Variants in NLRP12 observed in about 807,000 individuals in gnomAD.
NLRP12 encodes the protein NACHT, LRR and PYD domains-containing protein 12.
A neutral mutation model predicts 91.2 loss-of-function variants in NLRP12; 108 were observed. The observed-to-expected ratio is 1.18, with a 90% CI of 1.01 to 1.39. The LOEUF is 1.39. Among genes scored for constraint, NLRP12 ranks in the 40% most tolerant of loss-of-function variants. The pLI, the probability that NLRP12 is intolerant of heterozygous loss-of-function variation, is 0.00. For synonymous variants in NLRP12, 613 were observed against 566.7 expected, an observed-to-expected ratio of 1.08 and a Z score of -1.16; for missense variants, 1,530 against 1,352.7, an observed-to-expected ratio of 1.13 and a Z score of -2.06.
At position 53,810,651 on chromosome 19, in the gene NLRP12, T is replaced by G. The variant is rs1382115879; in HGVS notation, c.1008A>C (p.Leu336=). The G allele has an allele frequency of 6.2e-7, 1 of 1,613,998 alleles. No individual in the cohort carries two copies. Among genetic ancestry groups the G allele is most frequent in the Non-Finnish European group, 8.5e-7 (1 of 1,179,980 alleles). ...TGGGCCGTGTGGTGATGAGCAAAGATAGCTCAGGGAGCAGCTTCTTCCGAA... is the reference window on the plus strand; with the variant it reads ...TGGGCCGTGTGGTGATGAGCAAAGAGAGCTCAGGGAGCAGCTTCTTCCGAA... The part of the protein sequence containing the change: ...SLIRKKLLPE[L]SLLITTRPTA... Residue 336 remains leucine, a synonymous_variant, in exon 3 of 10, where the codon CTA becomes CTC. Transcript: ENST00000324134.
At chr19:53,802,877 A>G (rs1404766045) in intron 6 of NLRP12, among the ~76,000 whole-genome samples, 2 of 152,004 alleles carry the variant, frequency 1.3e-5, no homozygotes, top group African/African-American at 4.8e-5. Flanking sequence ...AGGCTCCTGA[A>G]TAGCTGGGAC....
At chr19:53,798,501 T>C in intron 7 of NLRP12, 88 bp from the exon 8 acceptor site, 1 of 1,354,978 alleles carries the variant, frequency 7.4e-7, no homozygotes. Context: ...CTGTGCTGGT[T>C]GCAGACAGAG....
At chr19:53,796,663 C>T (rs2091767225) in intron 8 of NLRP12, among the ~76,000 whole-genome samples, 3 of 151,938 alleles carry the variant, frequency 2.0e-5, no homozygotes, top group South Asian at 4.2e-4. Context: ...GGATTATAGG[C>T]GTGAGCCACT....
At chr19:53,796,297 G>C in intron 8 of NLRP12, 2 of 421,166 alleles carry the variant, frequency 4.7e-6, no homozygotes, top group Non-Finnish European at 9.1e-6. Flanking sequence ...TGTTGCCCAT[G>C]CTGGAGTGCT....
At chr19:53,800,996 C>T (rs986550235) in intron 7 of NLRP12, among the ~76,000 whole-genome samples, 4 of 151,146 alleles carry the variant, frequency 2.6e-5, no homozygotes, top group Admixed American at 1.3e-4. Context: ...AGATCGAGAC[C>T]ATCCTGCTAA....
rs1225275951 is a variant in NLRP12, at chr19:53,795,931, G to T, written c.3026C>A (p.Ala1009Asp). The T allele has an allele frequency of 1.2e-6, 2 of 1,614,012 alleles. No individual in the cohort carries two copies. Among genetic ancestry groups the T allele is most frequent in the East Asian group, 4.5e-5 (2 of 44,880 alleles). The change falls in exon 9 of 10, where the codon GCC (alanine) becomes GAC (aspartate). Residue 1009 changes from alanine (A) to aspartate (D), a missense_variant. Ala to Asp is a moderately radical substitution (Grantham distance 126). Transcript: ENST00000324134. ...TLTDLYLTNN[A>D]LGDTGVRLLC... ...CAGTCGGACACCTGTGTCCCCTAGG[G>T]CGTTGTTGGTCAGGTAAAGGTCGGT...
intron 2 of NLRP12, among the ~76,000 whole-genome samples, chr19:53,814,259 G>T (rs1400380113): frequency 6.6e-6 from 1 of 152,172 alleles, no homozygotes; most frequent in Non-Finnish European, 1.5e-5. Context: ...TCTGTCAGTG[G>T]TTGCTCTGAG....
rs1180696887 is a variant in NLRP12 at position 53,811,251 on chromosome 19, T to A, written c.408A>T (p.Lys136Asn). Residue 136 changes from lysine to asparagine, a missense_variant, in exon 3 of 10, where the codon AAA becomes AAT. Physicochemically the swap from Lys to Asn is moderately conservative, Grantham distance 94. Transcript: ENST00000324134. ...QETYRDYVRR[K>N]FRLMEDRNAR... is the part of the protein sequence containing the mutation. Reference sequence around the variant, plus strand: ...CATTGCGGTCTTCCATGAGCCGGAATTTCCTGCGGACATAGTCCCTGTAGG... The same window carrying A: ...CATTGCGGTCTTCCATGAGCCGGAAATTCCTGCGGACATAGTCCCTGTAGG... 1.2e-6 allele frequency: 2 copies of A among 1,613,978 alleles called. No homozygotes were observed. The highest frequency in any genetic ancestry group is 1.7e-6 in the Non-Finnish European group (2 of 1,180,008).
intron 1 of NLRP12, 106 bp downstream of exon 1, chr19:53,823,780 C>T: frequency 7.7e-7 from 1 of 1,297,548 alleles, no homozygotes; most frequent in Non-Finnish European, 1.1e-6. Context: ...GAACTCCTCA[C>T]CTCAAGTGAT....
At chr19:53,794,942 T>C (rs1441865968) in intron 9 of NLRP12, among the ~76,000 whole-genome samples, 1 of 152,018 alleles carries the variant, frequency 6.6e-6, no homozygotes, top group Non-Finnish European at 1.5e-5. Flanking sequence ...CTCAAGTGAT[T>C]TGCCTGCCTT....
At chr19:53,807,898 G>A (rs1232745945) in intron 3 of NLRP12, 2 of 499,520 alleles carry the variant, frequency 4.0e-6, no homozygotes, top group Non-Finnish European at 7.6e-6. Flanking sequence ...TTACAGGCAT[G>A]AGCCACCACG....
At chr19:53,803,798 T>C (rs2091911362) in intron 6 of NLRP12, 154 bp downstream of exon 6, 2 of 730,076 alleles carry the variant, frequency 2.7e-6, no homozygotes, top group Non-Finnish European at 4.8e-6. Flanking sequence ...GGTCTCGAAC[T>C]CCTGACCTCA....
At position 53,823,951 on chromosome 19, in the gene NLRP12, C is replaced by T; in HGVS notation, c.224G>A (p.Ser75Asn). The T allele has an allele frequency of 6.2e-7, 1 of 1,614,164 alleles. No homozygotes were observed. Among genetic ancestry groups the T allele is most frequent in the Non-Finnish European group, 8.5e-7 (1 of 1,180,048 alleles). ...GPEEAWRLALSTFERINRKDL... is the reference protein window; with the variant it reads ...GPEEAWRLALNTFERINRKDL... ...CTTCCTGTTTATCCGCTCAAAGGTG[C>T]TGAGAGCCAACCTCCAGGCCTCCTC... Residue 75 changes from serine to asparagine, a missense_variant, in exon 1 of 10, where the codon AGC (serine) becomes AAC (asparagine). By Grantham distance (46) the Ser-to-Asn change is conservative. Coordinates refer to ENST00000324134, the MANE Select transcript of NLRP12 (RefSeq NM_144687.4).
intron 3 of NLRP12, 43 bp downstream of exon 3, chr19:53,809,544 C>CCA: frequency 2.8e-5 from 23 of 817,530 alleles, no homozygotes; most frequent in Non-Finnish European, 3.7e-5. Flanking sequence ...AAAAAAAACA[C>CCA]ACGAACCTAA....
chr19:53,813,172 T>C (rs1190337733), intron 2 of NLRP12, among the ~76,000 whole-genome samples: 2 of 151,882 alleles, frequency 1.3e-5, no homozygotes, highest in Non-Finnish European at 2.9e-5. Context: ...TGAGCCACTG[T>C]GCCTGGCCGC....
chr19:53,809,530 A>AAAAC (rs1555795516), intron 3 of NLRP12, 57 bp downstream of exon 3: 10 of 1,363,060 alleles, frequency 7.3e-6, no homozygotes, highest in African/African-American at 3.0e-5. Context: ...AAAAAAAAAA[A>AAAAC]AAAAAAAAAA....
intron 1 of NLRP12, among the ~76,000 whole-genome samples, chr19:53,823,594 G>A (rs2092302111): frequency 6.7e-6 from 1 of 148,580 alleles, no homozygotes; most frequent in Non-Finnish European, 1.5e-5. Context: ...TGTCACCTAG[G>A]CTGGGGTGCA....
intron 6 of NLRP12, 49 bp from the exon 7 acceptor site, chr19:53,801,446 T>A: frequency 6.7e-7 from 1 of 1,482,050 alleles, no homozygotes; most frequent in Middle Eastern, 2.3e-4. Flanking sequence ...TCCTTTCTTT[T>A]TCTTTTTTTT....
Position 53,810,619 on chromosome 19 carries a change from A to T in NLRP12, c.1040T>A (p.Leu347Ter). 1 of 1,614,106 alleles carries T rather than the reference A, an allele frequency of 6.2e-7. No individual in the cohort carries two copies. The highest frequency in any genetic ancestry group is 8.5e-7 in the Non-Finnish European group (1 of 1,180,030). Reference protein sequence around the residue: ...SLLITTRPTALEKLHRLLEHP... With the variant: ...SLLITTRPTA ...CTCCAGCAGACGGTGGAGCTTCTCCAAAGCCGTGGGCCGTGTGGTGATGAG... is the reference window on the plus strand; with the variant it reads ...CTCCAGCAGACGGTGGAGCTTCTCCTAAGCCGTGGGCCGTGTGGTGATGAG... The change falls in exon 3 of 10, where the codon TTG (leucine) becomes TAG (stop). Residue 347 changes from leucine (L) to a stop codon, truncating the protein, a stop_gained. Transcript: ENST00000324134. LOFTEE classifies it high-confidence loss of function.
Sources: gnomAD v4.1 joint callset for allele counts (sites outside exome capture counted in the v4.1 genomes callset) on GRCh38, gnomAD v4.1.1 for gene constraint, MANE v1.5 for transcripts, NCBI Gene and HGNC (gene_info 2026-07-23, HGNC 2026-07-21) for gene names.